The following CSMD1 variants were observed in gnomAD, a reference collection of about 807,000 sequenced individuals.
CSMD1 encodes the protein CUB and sushi domain-containing protein 1.
In CSMD1, 213 loss-of-function variants were observed where a neutral mutation model predicts 417.5. The ratio of observed to expected loss-of-function variants is 0.51; its 90% CI spans 0.46 to 0.57. CSMD1 has a LOEUF of 0.57. Ranked by LOEUF, CSMD1 falls within the 20% of genes least tolerant of loss-of-function variation. The probability of loss-of-function intolerance (pLI) is 0.00; values close to 1 mark genes in which losing one functional copy is unlikely to be tolerated. For missense variants in CSMD1, 6,923 were observed against 4,529.7 expected (o/e 1.53, Z -15.17); for synonymous variants, 2,862 against 1,736.8 (o/e 1.65, Z -16.11).
At chr8:3,343,742 T>C (rs1388315013) in intron 22 of CSMD1, among the ~76,000 whole-genome samples, 1 of 152,200 alleles carries the variant, frequency 6.6e-6, no homozygotes, top group Non-Finnish European at 1.5e-5. Context: ...AATATTTCTT[T>C]ACATTTCCAG....
At chr8:3,289,359 G>A (rs1220482277) in intron 25 of CSMD1, among the ~76,000 whole-genome samples, 2 of 147,220 alleles carry the variant, frequency 1.4e-5, no homozygotes, top group East Asian at 3.9e-4. Flanking sequence ...GGATGGCTGG[G>A]TCAAATGGTA....
intron 5 of CSMD1, among the ~76,000 whole-genome samples, chr8:3,803,274 T>C (rs563093373): frequency 8.5e-5 from 13 of 152,206 alleles, no homozygotes; most frequent in African/African-American, 1.4e-4. Context: ...CGGGTTCTCA[T>C]TGCATAAAGT....
intron 3 of CSMD1, among the ~76,000 whole-genome samples, chr8:4,319,424 T>C (rs1799131303): frequency 6.6e-6 from 1 of 152,146 alleles, no homozygotes; most frequent in African/African-American, 2.4e-5. Flanking sequence ...CTAACCAATA[T>C]ACCTACACTT....
chr8:4,843,127 G>A (rs574082910), intron 1 of CSMD1, among the ~76,000 whole-genome samples: 1 of 152,142 alleles, frequency 6.6e-6, no homozygotes, highest in East Asian at 1.9e-4. Flanking sequence ...TCGAGGAAAT[G>A]AACAAACATG....
chr8:3,414,003 G>A (rs939459307), intron 12 of CSMD1, among the ~76,000 whole-genome samples: 2 of 151,768 alleles, frequency 1.3e-5, no homozygotes, highest in African/African-American at 4.8e-5. Flanking sequence ...GCCGGGAATG[G>A]TGGTGCACGC....
intron 6 of CSMD1, among the ~76,000 whole-genome samples, chr8:3,733,381 T>G (rs1049392773): frequency 1.0e-4 from 15 of 148,214 alleles, no homozygotes; most frequent in Non-Finnish European, 1.9e-4. Context: ...AAATATAATA[T>G]ATATTATCTG....
chr8:3,626,854 G>C (rs1681586948), intron 7 of CSMD1, among the ~76,000 whole-genome samples: 2 of 148,962 alleles, frequency 1.3e-5, no homozygotes. Context: ...CAATAAATAA[G>C]TGTATTTACA....
At chr8:3,979,334 G>T (rs1170671211) in intron 5 of CSMD1, among the ~76,000 whole-genome samples, 1 of 152,240 alleles carries the variant, frequency 6.6e-6, no homozygotes, top group African/African-American at 2.4e-5. Flanking sequence ...TCACGCTGTT[G>T]TGATGGCTGT....
At chr8:3,745,987 G>C (rs1289805659) in intron 6 of CSMD1, among the ~76,000 whole-genome samples, 3 of 152,160 alleles carry the variant, frequency 2.0e-5, no homozygotes, top group African/African-American at 4.8e-5. Context: ...TGAAGACTTT[G>C]GTGGACAACT....
In CSMD1 at chr8:3,797,426, T is replaced by G. The variant is rs949662388; in HGVS notation, c.819-43384A>C. Among the ~76,000 whole-genome samples the G allele has an allele frequency of 2.6e-5, 4 of 151,966 alleles. No individual in the cohort carries two copies. The South Asian group carries it at 8.3e-4, about 31-fold the overall frequency. On this transcript the variant is annotated intron_variant, in intron 5 of 69. Coordinates refer to ENST00000635120, the MANE Select transcript of CSMD1 (RefSeq NM_033225.6). ...GGAAATTTCATTTTTCCTCTTACAT[T>G]CAGTTTCCATCCCTTCCCTCCACAG...
chr8:3,296,816 A>T (rs997770899), intron 25 of CSMD1, among the ~76,000 whole-genome samples: 1 of 152,160 alleles, frequency 6.6e-6, no homozygotes, highest in African/African-American at 2.4e-5. Flanking sequence ...CAGTATGTTT[A>T]TGGGATGGGG....
chr8:4,425,176 A>T (rs1411613493), intron 2 of CSMD1, among the ~76,000 whole-genome samples: 1 of 152,092 alleles, frequency 6.6e-6, no homozygotes, highest in Non-Finnish European at 1.5e-5. Flanking sequence ...TTTTATAAAA[A>T]ATTGTGATTA....
At chr8:3,963,915 C>G (rs895243589) in intron 5 of CSMD1, among the ~76,000 whole-genome samples, 1 of 152,088 alleles carries the variant, frequency 6.6e-6, no homozygotes, top group African/African-American at 2.4e-5. Flanking sequence ...CATTGTATCC[C>G]AAATTTCCTC....
At chr8:3,176,105 CA>C (rs1487334510) in intron 37 of CSMD1, among the ~76,000 whole-genome samples, 2 of 152,048 alleles carry the variant, frequency 1.3e-5, no homozygotes, top group African/African-American at 4.8e-5. Flanking sequence ...CTTGGAAAGA[CA>C]GAAATACGTA....
At chr8:3,293,369 G>C (rs1174924476) in intron 25 of CSMD1, among the ~76,000 whole-genome samples, 1 of 152,022 alleles carries the variant, frequency 6.6e-6, no homozygotes, top group Non-Finnish European at 1.5e-5. Flanking sequence ...TTGAATGTTG[G>C]CCTGCCTTGC....
chr8:4,250,365 C>G (rs1171302825), intron 3 of CSMD1, among the ~76,000 whole-genome samples: 2 of 152,140 alleles, frequency 1.3e-5, no homozygotes, highest in East Asian at 1.9e-4. Flanking sequence ...CCTAATGTGA[C>G]TCTGTGCATA....
intron 5 of CSMD1, among the ~76,000 whole-genome samples, chr8:3,967,840 T>C (rs1257722008): frequency 6.6e-6 from 1 of 151,860 alleles, no homozygotes; most frequent in Non-Finnish European, 1.5e-5. Context: ...GAAAGTAACT[T>C]ATGATGACAG....
Position 4,938,917 on chromosome 8 carries a change from AC to A in CSMD1, c.85+55414del, listed in dbSNP as rs374586698. 1.4e-4 allele frequency among the ~76,000 whole-genome samples: 21 copies of A among 151,994 alleles called. No homozygotes were observed. In the East Asian group the frequency reaches 3.5e-3, roughly 25 times the overall value. On this transcript the variant is annotated intron_variant, in intron 1 of 69. Coordinates refer to ENST00000635120, the MANE Select transcript of CSMD1 (RefSeq NM_033225.6). ...ACTGACGTTGAACCTCTTTTCATAT[AC>A]TTGTTAAACTTTTGTGTGTCTTCTT...
chr8:4,012,661 C>T (rs1016516373), intron 4 of CSMD1, among the ~76,000 whole-genome samples: 1 of 152,110 alleles, frequency 6.6e-6, no homozygotes, highest in Non-Finnish European at 1.5e-5. Flanking sequence ...TGAATGTCTC[C>T]TGAATTCCAG....
Sources: gnomAD v4.1 joint callset for allele counts (sites outside exome capture counted in the v4.1 genomes callset) on GRCh38, gnomAD v4.1.1 for gene constraint, MANE v1.5 for transcripts, NCBI Gene and HGNC (gene_info 2026-07-23, HGNC 2026-07-21) for gene names.